The following KAZN variants were observed in gnomAD, a reference collection of about 807,000 sequenced individuals.
KAZN encodes kazrin.
In KAZN, 40 loss-of-function variants were observed where a neutral mutation model predicts 87.4. The ratio of observed to expected loss-of-function variants is 0.46; its 90% CI spans 0.36 to 0.60. The LOEUF (loss-of-function observed/expected upper bound fraction) is 0.60, where lower values mean the gene tolerates loss of function less well. Among genes scored for constraint, KAZN ranks in the 20% least tolerant of loss-of-function variants. The probability of loss-of-function intolerance (pLI) is 0.00; values close to 1 mark genes in which losing one functional copy is unlikely to be tolerated. For synonymous variants in KAZN, 466 were observed against 458.3 expected (o/e 1.02, Z -0.22); for missense variants, 898 against 1,073.9 (o/e 0.84, Z 2.29).
chr1:14,742,851 T>A (rs983464202), intron 1 of KAZN, among the ~76,000 whole-genome samples: 1 of 152,202 alleles, frequency 6.6e-6, no homozygotes, highest in Non-Finnish European at 1.5e-5. Flanking sequence ...CAGGGTTCAG[T>A]GTGTGTCTTG....
chr1:14,411,142 C>T (rs554003636), intron 2 of KAZN, among the ~76,000 whole-genome samples: 3 of 152,164 alleles, frequency 2.0e-5, no homozygotes, highest in South Asian at 4.2e-4. Flanking sequence ...TGAAAGCAAC[C>T]GGAAAAGGTA....
chr1:14,093,627 C>A lies in KAZN; in HGVS notation c.92-86808C>A, dbSNP rs571937975. Among the ~76,000 whole-genome samples, 4 of 152,032 alleles carry A rather than the reference C, an allele frequency of 2.6e-5. No individual in the cohort carries two copies. In the South Asian group the frequency reaches 6.2e-4, roughly 24 times the overall value. On this transcript the variant is annotated intron_variant, in intron 1 of 16. Coordinates refer to the KAZN transcript ENST00000636203. The stretch of plus-strand genomic sequence containing the variant: ...ATTCTTGTAGGGGAGTTCAAACTTG[C>A]CTTCTGAGTATTTGAGTCTAAGTCT...
chr1:14,427,626 T>G (rs1363081265), intron 2 of KAZN, among the ~76,000 whole-genome samples: 2 of 120,930 alleles, frequency 1.7e-5, no homozygotes, highest in Non-Finnish European at 3.7e-5. Context: ...ATATATGGTA[T>G]ATATGTGCAC....
chr1:14,768,310 C>G (rs1644936770), intron 1 of KAZN, among the ~76,000 whole-genome samples: 1 of 152,180 alleles, frequency 6.6e-6, no homozygotes, highest in Non-Finnish European at 1.5e-5. Context: ...TTGTGGAGCA[C>G]TTCTTGTGAG....
At chr1:14,751,184 A>C (rs1303186060) in intron 1 of KAZN, among the ~76,000 whole-genome samples, 1 of 152,130 alleles carries the variant, frequency 6.6e-6, no homozygotes, top group Non-Finnish European at 1.5e-5. Flanking sequence ...TCCACCACCT[A>C]AGGATGATCG....
intron 2 of KAZN, among the ~76,000 whole-genome samples, chr1:14,337,398 A>G (rs945584799): frequency 1.3e-5 from 2 of 152,230 alleles, no homozygotes; most frequent in African/African-American, 4.8e-5. Flanking sequence ...ATAGTTTACA[A>G]GTTTAGTCTT....
At chr1:14,458,284 T>C (rs1159999193) in intron 2 of KAZN, among the ~76,000 whole-genome samples, 2 of 152,248 alleles carry the variant, frequency 1.3e-5, no homozygotes, top group African/African-American at 4.8e-5. Context: ...TGCTAAACTC[T>C]TTATTCATTG....
Position 14,839,177 on chromosome 1 carries a change from A to G in KAZN, c.227-121507A>G, listed in dbSNP as rs545053544. Among the ~76,000 whole-genome samples, 3 of 152,230 alleles carry G rather than the reference A, an allele frequency of 2.0e-5. No homozygotes were observed. In the South Asian group the frequency reaches 6.2e-4, roughly 32 times the overall value. On this transcript the variant is annotated intron_variant, in intron 1 of 14. Coordinates refer to ENST00000376030, the MANE Select transcript of KAZN (RefSeq NM_201628.3). Reference sequence around the variant, plus strand: ...ATTATCCCTCAGATGCTTGGAAGAAATGTTCCCATGAGAAGGCTGTGTAGG... The same window carrying G: ...ATTATCCCTCAGATGCTTGGAAGAAGTGTTCCCATGAGAAGGCTGTGTAGG...
chr1:14,907,448 A>G (rs1055317138), intron 1 of KAZN, among the ~76,000 whole-genome samples: 4 of 151,100 alleles, frequency 2.6e-5, no homozygotes, highest in African/African-American at 7.3e-5. Context: ...ACCCCACCCC[A>G]GACCTCAGGC....
intron 2 of KAZN, among the ~76,000 whole-genome samples, chr1:15,016,059 C>T (rs1311123422): frequency 6.6e-6 from 1 of 152,122 alleles, no homozygotes; most frequent in African/African-American, 2.4e-5. Flanking sequence ...AGGTGAAGAT[C>T]TCGAGATGAG....
rs1170613443 is a variant in KAZN at position 14,598,711 on chromosome 1, C to T, written c.-287C>T. ...TTCTTGGAGCAGCTCTCGGCGCCCG[C>T]CCGCCGGGGTCTCGGCGATCGCTGC... On this transcript the variant is annotated 5_prime_UTR_variant, in exon 1 of 15. Transcript: ENST00000376030. The surrounding 1 kb of genome is among the most constrained non-coding windows in gnomAD (Gnocchi z 4.2). 2.3e-6 allele frequency: 3 copies of T among 1,317,226 alleles called. No homozygotes were observed. The highest frequency in any genetic ancestry group is 6.5e-5 in the East Asian group (2 of 30,994). 81.6% of individuals were successfully genotyped at this position (1,317,226 alleles called of 1,614,324 possible). A position where few individuals can be genotyped will look rare whatever the true frequency, so the allele number is the denominator to read the frequency against.
chr1:14,213,446 A>G (rs1474216605), intron 2 of KAZN, among the ~76,000 whole-genome samples: 1 of 152,200 alleles, frequency 6.6e-6, no homozygotes, highest in Non-Finnish European at 1.5e-5. Context: ...GAGATGAAGT[A>G]GGGATTCATG....
chr1:14,189,245 G>A (rs1646375245), intron 2 of KAZN, among the ~76,000 whole-genome samples: 3 of 152,002 alleles, frequency 2.0e-5, no homozygotes, highest in Non-Finnish European at 4.4e-5. Flanking sequence ...ATTTGCTTTG[G>A]CCAGCTTAGT....
At chr1:15,048,684 G>A (rs1320918016) in intron 4 of KAZN, among the ~76,000 whole-genome samples, 1 of 146,396 alleles carries the variant, frequency 6.8e-6, no homozygotes, top group Non-Finnish European at 1.5e-5. Context: ...CTGGGTCGTT[G>A]GTCCTGGGTC....
intron 2 of KAZN, among the ~76,000 whole-genome samples, chr1:14,212,333 C>G (rs1646870004): frequency 6.6e-6 from 1 of 152,114 alleles, no homozygotes. Flanking sequence ...CAAGGCACTG[C>G]TTTTCACAGC....
chr1:14,057,324 G>A (rs900674621), intron 1 of KAZN, among the ~76,000 whole-genome samples: 4 of 151,872 alleles, frequency 2.6e-5, no homozygotes, highest in Non-Finnish European at 5.9e-5. Flanking sequence ...TAGTAGAGAC[G>A]GGGTTTCACC....
Position 14,599,302 on chromosome 1 carries a change from T to TC in KAZN, c.226+84dup. ...CTCGGAGGTGGCCGGGGACCCGGGG[T>TC]CCCCCACACCCGGGGCGAAATCGCT... On this transcript the variant is annotated intron_variant, in intron 1 of 14. Coordinates refer to ENST00000376030, the MANE Select transcript of KAZN (RefSeq NM_201628.3). The surrounding 1 kb of genome is among the most constrained non-coding windows in gnomAD (Gnocchi z 4.4). The TC allele has an allele frequency of 2.4e-6, 3 of 1,256,922 alleles. No homozygotes were observed. The highest frequency in any genetic ancestry group is 3.0e-6 in the Non-Finnish European group (3 of 999,338). 77.9% of individuals were successfully genotyped at this position (1,256,922 alleles called of 1,614,324 possible). A position where few individuals can be genotyped will look rare whatever the true frequency, so the allele number is the denominator to read the frequency against.
At chr1:14,921,104 T>G (rs1006678702) in intron 1 of KAZN, among the ~76,000 whole-genome samples, 3 of 151,112 alleles carry the variant, frequency 2.0e-5, no homozygotes, top group African/African-American at 7.3e-5. Context: ...TCCAGAAAAC[T>G]GGAGAAGCTG....
chr1:14,787,637 C>T, intron 1 of KAZN, among the ~76,000 whole-genome samples: 1 of 152,300 alleles, frequency 6.6e-6, no homozygotes, highest in Non-Finnish European at 1.5e-5. Context: ...CTTTGTCGAG[C>T]CTCTGCCTTG....
Sources: allele counts gnomAD v4.1 joint callset (sites outside exome capture counted in the v4.1 genomes callset), GRCh38; gene constraint gnomAD v4.1.1; non-coding constraint Gnocchi (gnomAD v3.1); transcripts MANE v1.5; gene names NCBI Gene and HGNC (gene_info 2026-07-23, HGNC 2026-07-21).